FMN1: variants seen among roughly 807,000 people sequenced by gnomAD.
FMN1 encodes the protein formin-1.
Under a neutral mutation model 132.4 loss-of-function variants are expected in FMN1, and 110 were observed. The observed-to-expected ratio is 0.83, with a 90% CI of 0.71 to 0.97. The LOEUF is 0.97. Among genes scored for constraint, FMN1 ranks in the 50% least tolerant of loss-of-function variants. FMN1 has a pLI of 0.00. For missense variants in FMN1, 1,792 were observed against 1,705.3 expected (o/e 1.05, Z -0.90); for synonymous variants, 722 against 651.7 (o/e 1.11, Z -1.64).
At chr15:33,106,138 G>C (rs1039450235) in intron 4 of FMN1, 11 of 152,010 alleles carry the variant, frequency 7.2e-5, no homozygotes, top group Admixed American at 1.3e-4. Context: ...AAATATCCAG[G>C]AACTTTTGCT....
chr15:33,144,405 G>A (rs1964127809), intron 4 of FMN1, among the ~76,000 whole-genome samples: 1 of 152,024 alleles, frequency 6.6e-6, no homozygotes, highest in African/African-American at 2.4e-5. Flanking sequence ...GGGAGGCCGA[G>A]GTGGGCGGAT....
At chr15:32,813,615 G>C (rs1595986401) in intron 17 of FMN1, among the ~76,000 whole-genome samples, 1 of 152,178 alleles carries the variant, frequency 6.6e-6, no homozygotes, top group African/African-American at 2.4e-5. Flanking sequence ...GTGTAGTCCA[G>C]TGAAGTCCCT....
At chr15:33,017,367 G>A (rs1047858502) in intron 6 of FMN1, among the ~76,000 whole-genome samples, 2 of 152,176 alleles carry the variant, frequency 1.3e-5, no homozygotes, top group African/African-American at 4.8e-5. Context: ...CTCCAATGGA[G>A]AATGCTAATA....
At chr15:32,940,221 C>T (rs1211446594) in intron 9 of FMN1, among the ~76,000 whole-genome samples, 2 of 152,178 alleles carry the variant, frequency 1.3e-5, no homozygotes, top group African/African-American at 2.4e-5. Flanking sequence ...GGATCAACAT[C>T]ATGATGTAGT....
chr15:32,974,432 G>C (rs1392869319), intron 7 of FMN1, among the ~76,000 whole-genome samples: 1 of 152,096 alleles, frequency 6.6e-6, no homozygotes, highest in Non-Finnish European at 1.5e-5. Context: ...CTCTTAATAA[G>C]AAAGATTCAA....
chr15:33,013,876 T>A (rs1226431810), intron 6 of FMN1, among the ~76,000 whole-genome samples: 1 of 152,218 alleles, frequency 6.6e-6, no homozygotes, highest in Non-Finnish European at 1.5e-5. Context: ...TAAATAGAAA[T>A]TATACAGACT....
Position 33,078,766 on chromosome 15 carries a change from A to G in FMN1, c.2043+10033T>C, listed in dbSNP as rs531540405. On this transcript the variant is annotated intron_variant, in intron 5 of 20. Transcript: ENST00000616417. ...ATTCTAAATAGCTCATATGGGTTGT[A>G]ATTTTAACCACAAATTCCCACCTTC... Among the ~76,000 whole-genome samples the G allele has an allele frequency of 2.0e-5, 3 of 152,306 alleles. No homozygotes were observed. The East Asian group carries it at 5.8e-4, about 29-fold the overall frequency.
At chr15:32,833,815 C>T (rs2058561635) in intron 17 of FMN1, among the ~76,000 whole-genome samples, 1 of 152,148 alleles carries the variant, frequency 6.6e-6, no homozygotes, top group South Asian at 2.1e-4. Context: ...ACATTAAAGG[C>T]CACAATTTCA....
At chr15:33,081,251 G>A (rs934500002) in intron 5 of FMN1, among the ~76,000 whole-genome samples, 1 of 152,138 alleles carries the variant, frequency 6.6e-6, no homozygotes, top group Non-Finnish European at 1.5e-5. Context: ...AACTGGTTTG[G>A]CAGGCAGCAA....
intron 3 of FMN1, among the ~76,000 whole-genome samples, chr15:33,157,309 A>AT (rs1273421321): frequency 6.6e-6 from 1 of 151,662 alleles, no homozygotes; most frequent in Non-Finnish European, 1.5e-5. Context: ...GTCACAGTTT[A>AT]TGCTGTAATT....
At chr15:32,950,480 A>G (rs1023079344) in intron 9 of FMN1, among the ~76,000 whole-genome samples, 2 of 152,188 alleles carry the variant, frequency 1.3e-5, no homozygotes, top group Admixed American at 1.3e-4. Context: ...AAAATGTGGT[A>G]CATATACACT....
Position 32,769,907 on chromosome 15 carries a change from G to A in FMN1, c.*4403C>T, listed in dbSNP as rs756577341. On this transcript the variant is annotated 3_prime_UTR_variant, in exon 21 of 21. Transcript: ENST00000616417. ...GCTTTTTCTTTCCTCTCCACTTTTT[G>A]GCCATTTTTGTTTTTATTAGGACAG... The A allele has an allele frequency of 4.0e-5, 6 of 151,742 alleles. No homozygotes were observed. Among genetic ancestry groups the A allele is most frequent in the Non-Finnish European group, 8.8e-5 (6 of 68,006 alleles). 9.4% of individuals were successfully genotyped at this position (151,742 alleles called of 1,614,324 possible).
chr15:32,775,120 G>C (rs1469311428), intron 20 of FMN1, among the ~76,000 whole-genome samples: 2 of 152,202 alleles, frequency 1.3e-5, no homozygotes, highest in African/African-American at 4.8e-5. Context: ...CAGATGCAGA[G>C]AGAAGCCTTT....
intron 5 of FMN1, among the ~76,000 whole-genome samples, chr15:33,073,554 C>T (rs753294758): frequency 6.6e-5 from 10 of 151,994 alleles, no homozygotes; most frequent in Admixed American, 1.3e-4. Flanking sequence ...ATTCAACAAA[C>T]GGCATCTTGA....
intron 12 of FMN1, among the ~76,000 whole-genome samples, chr15:32,902,251 A>G (rs2060316125): frequency 1.3e-5 from 2 of 152,208 alleles, no homozygotes; most frequent in Non-Finnish European, 2.9e-5. Flanking sequence ...AGCATGATGA[A>G]TAAATGCATG....
chr15:32,928,985 C>A (rs2061032785), intron 9 of FMN1, among the ~76,000 whole-genome samples: 1 of 152,202 alleles, frequency 6.6e-6, no homozygotes, highest in Non-Finnish European at 1.5e-5. Flanking sequence ...CTACCCCTCA[C>A]CCCATTATAC....
intron 5 of FMN1, among the ~76,000 whole-genome samples, chr15:33,072,281 A>C (rs1033480011): frequency 2.0e-5 from 3 of 152,192 alleles, no homozygotes; most frequent in Non-Finnish European, 4.4e-5. Context: ...TGAGATGTGA[A>C]ACCTGCACAT....
intron 4 of FMN1, among the ~76,000 whole-genome samples, chr15:33,121,343 G>A (rs2140174471): frequency 6.6e-6 from 1 of 152,216 alleles, no homozygotes; most frequent in Non-Finnish European, 1.5e-5. Context: ...GCGGATTCAG[G>A]GTCACATTCA....
intron 10 of FMN1, among the ~76,000 whole-genome samples, chr15:32,919,189 T>C (rs1423543157): frequency 1.3e-5 from 2 of 152,178 alleles, no homozygotes; most frequent in African/African-American, 4.8e-5. Context: ...TTTCTTATTC[T>C]AAAATCTGGT....
Sources: gnomAD v4.1 joint callset for allele counts (sites outside exome capture counted in the v4.1 genomes callset) on GRCh38, gnomAD v4.1.1 for gene constraint, MANE v1.5 for transcripts, NCBI Gene and HGNC (gene_info 2026-07-23, HGNC 2026-07-21) for gene names.